The following C3orf70 variants were observed in gnomAD, a reference collection of about 807,000 sequenced individuals.
C3orf70 encodes chromosome 3 open reading frame 70.
C3orf70 carries 15 observed loss-of-function variants against 20.7 expected under a neutral mutation model. The ratio of observed to expected loss-of-function variants is 0.72; its 90% confidence interval spans 0.48 to 1.11. C3orf70 has a LOEUF of 1.11. Among genes scored for constraint, C3orf70 ranks in the 50% most tolerant of loss-of-function variants. The probability of loss-of-function intolerance (pLI) is 0.00; values close to 1 mark genes in which losing one functional copy is unlikely to be tolerated. For synonymous variants in C3orf70, 161 were observed against 125.7 expected (o/e 1.28, Z -1.88); for missense variants, 332 against 317.6 (o/e 1.05, Z -0.34).
At chr3:185,147,282 A>G (rs1561371457) in intron 1 of C3orf70, among the ~76,000 whole-genome samples, 1 of 152,182 alleles carries the variant, frequency 6.6e-6, no homozygotes, top group African/African-American at 2.4e-5. Context: ...TAGCACCTAC[A>G]TCATACCACA....
At chr3:185,140,796 A>AG in intron 1 of C3orf70, among the ~76,000 whole-genome samples, 1 of 150,884 alleles carries the variant, frequency 6.6e-6, no homozygotes, top group Middle Eastern at 3.4e-3. Context: ...TAAAAAAAAA[A>AG]AAAAAAAAGA....
In C3orf70 at chr3:185,152,997, G is replaced by A. The variant is rs1237607510; in HGVS notation, c.-174C>T. ...CCCAGGCTCGAGGAGGAGCCGCCCC[G>A]GGCGCTGCGACCGGGTCCGGGCTGG... On this transcript the variant is annotated 5_prime_UTR_variant, in exon 1 of 2. Coordinates refer to ENST00000335012, the MANE Select transcript of C3orf70 (RefSeq NM_001025266.3). The A allele has an allele frequency of 5.1e-5, 19 of 374,646 alleles. No individual in the cohort carries two copies. Among genetic ancestry groups the A allele is most frequent in the Admixed American group, 1.6e-4 (3 of 19,148 alleles). The allele number at this position is 374,646 out of a possible 1,614,324, so 23.2% of individuals were successfully genotyped here. A position where few individuals can be genotyped will look rare whatever the true frequency, so the allele number is the denominator to read the frequency against.
intron 1 of C3orf70, among the ~76,000 whole-genome samples, chr3:185,119,857 C>G (rs558036466): frequency 2.5e-4 from 38 of 151,768 alleles, no homozygotes; most frequent in African/African-American, 7.7e-4. Context: ...AACCCCATCT[C>G]TACTAAAAAT....
intron 1 of C3orf70, among the ~76,000 whole-genome samples, chr3:185,098,992 C>A (rs547191195): frequency 3.9e-5 from 6 of 152,172 alleles, no homozygotes; most frequent in Admixed American, 1.3e-4. Flanking sequence ...CAATTCCTTA[C>A]GATCAGCCAA....
At chr3:185,116,635 T>C (rs11715099) in intron 1 of C3orf70, among the ~76,000 whole-genome samples, 32,930 of 152,140 alleles carry the variant, frequency 0.22, 3,997 homozygotes, top group East Asian at 0.52. Flanking sequence ...AATTATCCAC[T>C]GTTGAGAACC....
intron 1 of C3orf70, among the ~76,000 whole-genome samples, chr3:185,111,625 A>T (rs1172631730): frequency 6.6e-6 from 1 of 152,230 alleles, no homozygotes; most frequent in Non-Finnish European, 1.5e-5. Context: ...GGGATGTAAA[A>T]TGGTATACAG....
chr3:185,106,208 T>G (rs1010098970), intron 1 of C3orf70, among the ~76,000 whole-genome samples: 3 of 152,196 alleles, frequency 2.0e-5, no homozygotes, highest in African/African-American at 7.2e-5. Flanking sequence ...GGCAGTTCCC[T>G]GTTAGAATAC....
chr3:185,139,028 G>A (rs945776596), intron 1 of C3orf70, among the ~76,000 whole-genome samples: 4 of 152,070 alleles, frequency 2.6e-5, no homozygotes, highest in Non-Finnish European at 5.9e-5. Context: ...TTTGAGCCCA[G>A]GAGGTAGAGG....
intron 1 of C3orf70, among the ~76,000 whole-genome samples, chr3:185,115,183 T>G (rs1410868509): frequency 2.6e-5 from 4 of 152,326 alleles, no homozygotes; most frequent in African/African-American, 9.6e-5. Context: ...GTGACTCCAA[T>G]GTACAACCAA....
intron 1 of C3orf70, among the ~76,000 whole-genome samples, chr3:185,094,532 G>A (rs1023163946): frequency 3.3e-5 from 5 of 152,124 alleles, no homozygotes; most frequent in South Asian, 4.1e-4. Flanking sequence ...CAAGGGAGAC[G>A]GGATACAGTA....
chr3:185,116,562 A>T (rs1234602773), intron 1 of C3orf70, among the ~76,000 whole-genome samples: 1 of 152,182 alleles, frequency 6.6e-6, no homozygotes, highest in Non-Finnish European at 1.5e-5. Context: ...ATGAGTAGGC[A>T]ACTCTCCAGT....
Position 185,080,216 on chromosome 3 carries a change from G to A in C3orf70, c.*2791C>T, listed in dbSNP as rs1411477395. On this transcript the variant is annotated 3_prime_UTR_variant, in exon 2 of 2. Coordinates refer to ENST00000335012, the MANE Select transcript of C3orf70 (RefSeq NM_001025266.3). ...TTCTATATAGTAGATAGTAGCAAGTGAAGCTTAGCGAGTTTTTAATTATAA... is the reference window on the plus strand; with the variant it reads ...TTCTATATAGTAGATAGTAGCAAGTAAAGCTTAGCGAGTTTTTAATTATAA... 6.6e-6 allele frequency: 1 copy of A among 152,632 alleles called. No individual in the cohort carries two copies. Among genetic ancestry groups the A allele is most frequent in the East Asian group, 1.9e-4 (1 of 5,202 alleles). 9.5% of individuals were successfully genotyped at this position (152,632 alleles called of 1,614,324 possible). A position where few individuals can be genotyped will look rare whatever the true frequency, so the allele number is the denominator to read the frequency against.
intron 1 of C3orf70, among the ~76,000 whole-genome samples, chr3:185,148,088 G>T (rs1473088119): frequency 6.6e-6 from 1 of 152,098 alleles, no homozygotes; most frequent in Non-Finnish European, 1.5e-5. Context: ...AAAACACTCT[G>T]GTGTTGTAAA....
At chr3:185,111,802 A>G (rs1376506137) in intron 1 of C3orf70, among the ~76,000 whole-genome samples, 1 of 152,226 alleles carries the variant, frequency 6.6e-6, no homozygotes, top group Non-Finnish European at 1.5e-5. Context: ...AAGGAAACAG[A>G]ATCAGGCAAT....
At chr3:185,093,639 A>T (rs1381135035) in intron 1 of C3orf70, among the ~76,000 whole-genome samples, 1 of 152,228 alleles carries the variant, frequency 6.6e-6, no homozygotes, top group Non-Finnish European at 1.5e-5. Flanking sequence ...TAGATGATAC[A>T]TGGTGTAGAA....
intron 1 of C3orf70, among the ~76,000 whole-genome samples, chr3:185,097,127 T>C (rs1482184505): frequency 1.3e-5 from 2 of 152,192 alleles, no homozygotes; most frequent in Non-Finnish European, 2.9e-5. Flanking sequence ...TGGTCTTAAA[T>C]TGATTCAATG....
chr3:185,091,896 TACACAC>T (rs34123212), intron 1 of C3orf70, among the ~76,000 whole-genome samples: 6 of 85,410 alleles, frequency 7.0e-5, no homozygotes, highest in Non-Finnish European at 1.3e-4. Flanking sequence ...TATACACACA[TACACAC>T]ACACACATAC....
intron 1 of C3orf70, among the ~76,000 whole-genome samples, chr3:185,150,023 T>TA (rs1491460685): frequency 1.0e-3 from 152 of 152,130 alleles, no homozygotes; most frequent in African/African-American, 3.6e-3. Context: ...TGTTTTTTTT[T>TA]AAAAAAAGAG....
chr3:185,137,672 G>A (rs920855275), intron 1 of C3orf70, among the ~76,000 whole-genome samples: 2 of 151,724 alleles, frequency 1.3e-5, no homozygotes, highest in East Asian at 1.9e-4. Context: ...AAGTTTCGAG[G>A]GAAATCAAAA....
Sources: gnomAD v4.1 joint callset for allele counts (sites outside exome capture counted in the v4.1 genomes callset) on GRCh38, gnomAD v4.1.1 for gene constraint, MANE v1.5 for transcripts, NCBI Gene and HGNC (gene_info 2026-07-23, HGNC 2026-07-21) for gene names.